ADAMTS18: variants seen among roughly 807,000 people sequenced by gnomAD.
The protein encoded by ADAMTS18 is ADAM metallopeptidase with thrombospondin type 1 motif 18.
In ADAMTS18, 157 loss-of-function variants were observed where a neutral mutation model predicts 165.9. The observed-to-expected ratio is 0.95, with a 90% confidence interval of 0.83 to 1.08. ADAMTS18 has a LOEUF of 1.08. Ranked by LOEUF, ADAMTS18 falls within the 50% of genes least tolerant of loss-of-function variation. The probability of loss-of-function intolerance (pLI) is 0.00; values close to 1 mark genes in which losing one functional copy is unlikely to be tolerated. For synonymous variants in ADAMTS18, 782 were observed against 578.2 expected (o/e 1.35, Z -5.06); for missense variants, 2,040 against 1,534.0 (o/e 1.33, Z -5.51).
intron 11 of ADAMTS18, among the ~76,000 whole-genome samples, chr16:77,337,973 G>T (rs893028268): frequency 8.1e-5 from 12 of 147,792 alleles, no homozygotes; most frequent in Non-Finnish European, 1.3e-4. Context: ...GTGCGATCTC[G>T]GCTCACTGCA....
intron 3 of ADAMTS18, among the ~76,000 whole-genome samples, chr16:77,414,095 C>G (rs1273729057): frequency 2.0e-5 from 3 of 152,158 alleles, no homozygotes; most frequent in Non-Finnish European, 1.5e-5. Flanking sequence ...GAAACAGAAC[C>G]AACGTAAGTA....
At chr16:77,336,337 A>G (rs1210168169) in intron 11 of ADAMTS18, among the ~76,000 whole-genome samples, 3 of 152,192 alleles carry the variant, frequency 2.0e-5, no homozygotes, top group South Asian at 4.1e-4. Flanking sequence ...TGAAAGAACA[A>G]TTGGGATCAC....
intron 3 of ADAMTS18, among the ~76,000 whole-genome samples, chr16:77,397,726 G>T (rs1406927805): frequency 6.6e-6 from 1 of 152,218 alleles, no homozygotes; most frequent in Non-Finnish European, 1.5e-5. Context: ...AAAAAATGTT[G>T]AGTAAGTTGC....
intron 10 of ADAMTS18, among the ~76,000 whole-genome samples, chr16:77,342,457 A>AC (rs2056412966): frequency 1.7e-5 from 2 of 116,500 alleles, no homozygotes; most frequent in East Asian, 1.3e-3. Flanking sequence ...TTTATAGTTT[A>AC]TTGACTGACT....
At chr16:77,367,345 C>A (rs2056809856) in intron 4 of ADAMTS18, 96 bp downstream of exon 4, 9 of 1,410,750 alleles carry the variant, frequency 6.4e-6, no homozygotes, top group East Asian at 2.3e-5. Flanking sequence ...CAGGGTAGCC[C>A]CATTTTGACT....
chr16:77,386,279 A>G (rs1334021663), intron 3 of ADAMTS18, among the ~76,000 whole-genome samples: 1 of 152,200 alleles, frequency 6.6e-6, no homozygotes, highest in Non-Finnish European at 1.5e-5. Context: ...CCAGGCTTAA[A>G]GATGCAAATA....
chr16:77,408,404 T>C (rs911173782), intron 3 of ADAMTS18, among the ~76,000 whole-genome samples: 1 of 151,938 alleles, frequency 6.6e-6, no homozygotes, highest in East Asian at 1.9e-4. Context: ...GCAAAAAGAA[T>C]AGTCACAACA....
intron 12 of ADAMTS18, among the ~76,000 whole-genome samples, chr16:77,333,882 T>TGAGTA (rs1555514004): frequency 1.1e-5 from 1 of 92,202 alleles, no homozygotes; most frequent in Non-Finnish European, 2.4e-5. Flanking sequence ...ATATAGTATA[T>TGAGTA]TAGTATATTA....
At chr16:77,335,695 C>G in intron 12 of ADAMTS18, 61 bp downstream of exon 12, 1 of 1,600,460 alleles carries the variant, frequency 6.2e-7, no homozygotes, top group East Asian at 2.2e-5. Flanking sequence ...CAAGAAAAAC[C>G]AGCGTGTTAC....
At chr16:77,327,638 T>G (rs1399372948) in intron 12 of ADAMTS18, among the ~76,000 whole-genome samples, 2 of 152,182 alleles carry the variant, frequency 1.3e-5, no homozygotes, top group Admixed American at 1.3e-4. Flanking sequence ...TGAAGGGATA[T>G]TCCTGACCCT....
rs2055436382 is a variant in ADAMTS18 at position 77,294,906 on chromosome 16, A to G, written c.3006+17T>C. The G allele has an allele frequency of 6.2e-7, 1 of 1,613,584 alleles. No homozygotes were observed. Among genetic ancestry groups the G allele is most frequent in the South Asian group, 1.1e-5 (1 of 91,046 alleles). On this transcript the variant is annotated intron_variant, in intron 19 of 22. Transcript: ENST00000282849. ...ATGGGGACCGAGAATAGTAACTCCC[A>G]AGTTTTCTCCTGTTACCTGAGACCA...
At chr16:77,415,718 G>T (rs889178595) in intron 3 of ADAMTS18, among the ~76,000 whole-genome samples, 1 of 65,556 alleles carries the variant, frequency 1.5e-5, no homozygotes, top group African/African-American at 4.6e-5. Flanking sequence ...AATGAATGCT[G>T]GGTAGGCAAA....
chr16:77,399,211 T>C (rs1453336713), intron 3 of ADAMTS18, among the ~76,000 whole-genome samples: 1 of 152,178 alleles, frequency 6.6e-6, no homozygotes, highest in Non-Finnish European at 1.5e-5. Flanking sequence ...CTGTGCACAT[T>C]GCTGTCTTTG....
chr16:77,336,982 T>C (rs2056320375), intron 11 of ADAMTS18, among the ~76,000 whole-genome samples: 1 of 152,218 alleles, frequency 6.6e-6, no homozygotes, highest in African/African-American at 2.4e-5. Context: ...TGTTTGACTT[T>C]CAAATCTTCA....
intron 3 of ADAMTS18, among the ~76,000 whole-genome samples, chr16:77,378,536 G>A (rs994726699): frequency 1.3e-5 from 2 of 151,804 alleles, no homozygotes; most frequent in Non-Finnish European, 2.9e-5. Flanking sequence ...CTAAAATGGC[G>A]AAACCCTGAC....
At chr16:77,315,505 G>A (rs1191450555) in intron 16 of ADAMTS18, among the ~76,000 whole-genome samples, 1 of 152,198 alleles carries the variant, frequency 6.6e-6, no homozygotes, top group Non-Finnish European at 1.5e-5. Context: ...CTGTGGGTGT[G>A]CAGGTGCAGG....
chr16:77,366,118 T>A (rs1441821229), intron 4 of ADAMTS18, among the ~76,000 whole-genome samples: 1 of 151,402 alleles, frequency 6.6e-6, no homozygotes, highest in East Asian at 2.0e-4. Flanking sequence ...TTCCTCCTGA[T>A]TAATATCTTA....
Position 77,283,903 on chromosome 16 carries a change from T to C in ADAMTS18, c.*53A>G. 1 of 1,395,754 alleles carries C rather than the reference T, an allele frequency of 7.2e-7. No individual in the cohort carries two copies. Among genetic ancestry groups the C allele is most frequent in the South Asian group, 1.2e-5 (1 of 86,550 alleles). The allele number at this position is 1,395,754 out of a possible 1,614,324, so 86.5% of individuals were successfully genotyped here. On this transcript the variant is annotated 3_prime_UTR_variant, in exon 23 of 23. Transcript: ENST00000282849. ...TGGTCTCAAAGGCAGCTGGTCTCTC[T>C]AGAGGTTGAAAGGTAAGCCCCTGGC...
intron 16 of ADAMTS18, among the ~76,000 whole-genome samples, chr16:77,310,794 A>C (rs74025795): frequency 6.6e-6 from 1 of 151,898 alleles, no homozygotes; most frequent in African/African-American, 2.4e-5. Flanking sequence ...CTCCCAGCTA[A>C]TTTTTGTATT....
Sources: allele counts gnomAD v4.1 joint callset (sites outside exome capture counted in the v4.1 genomes callset), GRCh38; gene constraint gnomAD v4.1.1; transcripts MANE v1.5; gene names NCBI Gene and HGNC (gene_info 2026-07-23, HGNC 2026-07-21).